The following ZNF317 variants were observed in gnomAD, a reference collection of about 807,000 sequenced individuals.
The protein encoded by ZNF317 is zinc finger protein 317.
Under a neutral mutation model 23.4 loss-of-function variants are expected in ZNF317, and 17 were observed. The observed-to-expected ratio is 0.73, with a 90% CI of 0.50 to 1.09. ZNF317 has a LOEUF of 1.09. ZNF317 is among the 50% of genes least tolerant of loss of function. The pLI, the probability that ZNF317 is intolerant of heterozygous loss-of-function variation, is 0.00. For missense variants in ZNF317, 679 were observed against 796.7 expected (o/e 0.85, Z 1.78); for synonymous variants, 317 against 314.9 (o/e 1.01, Z -0.07).
At chr19:9,148,831 A>G (rs745325945) in intron 1 of ZNF317, among the ~76,000 whole-genome samples, 2 of 152,168 alleles carry the variant, frequency 1.3e-5, no homozygotes, top group Non-Finnish European at 2.9e-5. Context: ...GTCCTGTCCT[A>G]CATTTCCCAG....
intron 1 of ZNF317, 116 bp from the exon 2 acceptor site, chr19:9,155,809 G>A (rs2050776447): frequency 1.6e-6 from 1 of 618,136 alleles, no homozygotes; most frequent in Non-Finnish European, 2.9e-6. Flanking sequence ...CCAGGATCAG[G>A]CAGATCTTGC....
chr19:9,141,049 G>A (rs114192837), intron 1 of ZNF317, among the ~76,000 whole-genome samples: 166 of 151,352 alleles, frequency 1.1e-3, no homozygotes, highest in Middle Eastern at 6.8e-3. Context: ...CCTTCTGGTT[G>A]CACTTTTTTA....
At chr19:9,158,107 T>C (rs1419772004) in intron 5 of ZNF317, 32 bp downstream of exon 5, 1 of 1,541,474 alleles carries the variant, frequency 6.5e-7, no homozygotes, top group Non-Finnish European at 8.7e-7. Flanking sequence ...AGCGGTGCTG[T>C]GACTCTACCT....
chr19:9,148,024 CA>C (rs1442704137), intron 1 of ZNF317, among the ~76,000 whole-genome samples: 4 of 152,110 alleles, frequency 2.6e-5, no homozygotes, highest in Non-Finnish European at 5.9e-5. Context: ...CACCTCCTCC[CA>C]ACCCTGCTGT....
At chr19:9,157,476 T>C (rs1313082662) in intron 4 of ZNF317, 82 bp downstream of exon 4, 1 of 1,572,216 alleles carries the variant, frequency 6.4e-7, no homozygotes, top group Admixed American at 1.7e-5. Context: ...CCAGGAACTA[T>C]GCAGCGGTTC....
intron 1 of ZNF317, among the ~76,000 whole-genome samples, chr19:9,153,172 G>GTTTC (rs2050751389): frequency 6.7e-6 from 1 of 149,504 alleles, no homozygotes; most frequent in African/African-American, 2.6e-5. Flanking sequence ...TTGTTTGTTT[G>GTTTC]TTTGTTTGAG....
rs189336858 is a variant in ZNF317 at position 9,161,223 on chromosome 19, G to A, written c.1578G>A (p.Gly526=). 1.2e-6 allele frequency: 2 copies of A among 1,614,180 alleles called. No homozygotes were observed. Among genetic ancestry groups the A allele is most frequent in the Non-Finnish European group, 1.7e-6 (2 of 1,180,026 alleles). ...TLKTHMRSHT[G]EKPYECDHCG... ...AGACGCACATGCGAAGCCACACGGG[G>A]GAGAAACCGTACGAATGCGATCACT... The change falls in exon 7 of 7, where the codon GGG becomes GGA. Residue 526 remains glycine, a synonymous_variant. Coordinates refer to ENST00000247956, the MANE Select transcript of ZNF317 (RefSeq NM_020933.5). This position sits in a 1 kb window ranked among gnomAD's most constrained non-coding sequence, Gnocchi z 4.0.
At chr19:9,154,124 C>T (rs1568313190) in intron 1 of ZNF317, among the ~76,000 whole-genome samples, 1 of 133,358 alleles carries the variant, frequency 7.5e-6, no homozygotes, top group South Asian at 2.2e-4. Flanking sequence ...GAAGGGAGGG[C>T]AGACATCTCT....
chr19:9,160,847 A>G lies in ZNF317; in HGVS notation c.1202A>G (p.Asp401Gly), dbSNP rs1255157984. The change falls in exon 7 of 7, where the codon GAT becomes GGT. Residue 401 changes from aspartate to glycine, a missense_variant. Physicochemically the swap from Asp to Gly is moderately conservative, Grantham distance 94. Coordinates refer to ENST00000247956, the MANE Select transcript of ZNF317 (RefSeq NM_020933.5). The surrounding 1 kb of genome is among the most constrained non-coding windows in gnomAD (Gnocchi z 6.8). ...AAAGAATGCGGGAAATCCTTTGGCG[A>G]TCTCGTGTCCCGGAGGAAACACATG... ...ECKECGKSFG[D>G]LVSRRKHMRI... The G allele has an allele frequency of 6.2e-7, 1 of 1,614,142 alleles. No homozygotes were observed. Among genetic ancestry groups the G allele is most frequent in the Non-Finnish European group, 8.5e-7 (1 of 1,180,026 alleles).
At chr19:9,157,639 G>T in intron 4 of ZNF317, 1 of 590,388 alleles carries the variant, frequency 1.7e-6, no homozygotes, top group South Asian at 3.5e-5. Flanking sequence ...CCATTCTTTT[G>T]GAGGGTCAGT....
rs911369885 is a variant in ZNF317, at chr19:9,162,552, C to A, written c.*1119C>A. On this transcript the variant is annotated 3_prime_UTR_variant, in exon 7 of 7. Transcript: ENST00000247956. ...GAATACGGGATTGCACTTACTCTTT[C>A]ATCACGGAAACAGACCCCCCGAGAG... The A allele has an allele frequency of 7.7e-6, 1 of 129,514 alleles. No individual in the cohort carries two copies. The highest frequency in any genetic ancestry group is 2.3e-4 in the South Asian group (1 of 4,412). 8.0% of individuals were successfully genotyped at this position (129,514 alleles called of 1,614,324 possible).
intron 1 of ZNF317, among the ~76,000 whole-genome samples, chr19:9,148,453 C>T (rs887457311): frequency 2.6e-5 from 4 of 152,170 alleles, no homozygotes; most frequent in South Asian, 2.1e-4. Context: ...GGGTGTTGGG[C>T]TAAGCCATAG....
In ZNF317 at chr19:9,156,762, T is replaced by C. The variant is rs2050788302; in HGVS notation, c.162+14T>C. 1 of 1,612,208 alleles carries C rather than the reference T, an allele frequency of 6.2e-7. No homozygotes were observed. The highest frequency in any genetic ancestry group is 1.3e-5 in the African/African-American group (1 of 74,816). ...GTTGGTTCCCAGGTGCACTAAGATC[T>C]CTGGGTCCCTAGAGCAGGAGAGGCA... On this transcript the variant is annotated intron_variant, in intron 3 of 6. Coordinates refer to ENST00000247956, the MANE Select transcript of ZNF317 (RefSeq NM_020933.5).
intron 1 of ZNF317, among the ~76,000 whole-genome samples, chr19:9,154,962 A>T (rs1174144286): frequency 1.3e-5 from 2 of 152,236 alleles, no homozygotes; most frequent in East Asian, 3.9e-4. Flanking sequence ...ATTCGATGTG[A>T]TTCTTACTGG....
rs1042561584 is a variant in ZNF317 at position 9,161,915 on chromosome 19, G to C, written c.*482G>C. The C allele has an allele frequency of 6.4e-6, 1 of 155,872 alleles. No homozygotes were observed. Among genetic ancestry groups the C allele is most frequent in the African/African-American group, 2.4e-5 (1 of 41,480 alleles). The allele number at this position is 155,872 out of a possible 1,614,324, so 9.7% of individuals were successfully genotyped here. On this transcript the variant is annotated 3_prime_UTR_variant, in exon 7 of 7. Transcript: ENST00000247956. The surrounding 1 kb of genome is among the most constrained non-coding windows in gnomAD (Gnocchi z 4.0). ...GAGAGAAATCAGTGAAGTAAGGAAC[G>C]TGGAAGGTCATGAATGGGCCGCAAA...
rs1241049473 is a variant in ZNF317 at position 9,157,822 on chromosome 19, T to G, written c.290-158T>G. ...TTTTCTATCAGTCAAAAACTTTTAC[T>G]GTGTTCCTTAGAAATTTTGGCACCA... is the stretch of plus-strand genomic sequence containing the variant. On this transcript the variant is annotated intron_variant, in intron 4 of 6. Coordinates refer to ENST00000247956, the MANE Select transcript of ZNF317 (RefSeq NM_020933.5). 5 of 1,391,768 alleles carry G rather than the reference T, an allele frequency of 3.6e-6. No individual in the cohort carries two copies. The East Asian group carries it at 1.3e-4, about 37-fold the overall frequency. The allele number at this position is 1,391,768 out of a possible 1,614,324, so 86.2% of individuals were successfully genotyped here.
chr19:9,156,589 A>T lies in ZNF317; in HGVS notation c.26-23A>T, dbSNP rs1418315016. ...TGAGACAGGGCAGGCTCTGATTCTC[A>T]TGAACCCTGTTTTCTCCTCCAGCCA... On this transcript the variant is annotated intron_variant, in intron 2 of 6. Transcript: ENST00000247956. 6.2e-6 allele frequency: 10 copies of T among 1,610,342 alleles called. No individual in the cohort carries two copies. In the African/African-American group the frequency reaches 1.3e-4, roughly 22 times the overall value.
At chr19:9,142,343 T>A (rs2050639746) in intron 1 of ZNF317, among the ~76,000 whole-genome samples, 1 of 152,154 alleles carries the variant, frequency 6.6e-6, no homozygotes, top group Non-Finnish European at 1.5e-5. Context: ...TGTGCTGGAC[T>A]GGGTGGGGAC....
Position 9,153,148 on chromosome 19 carries a change from T to TTTTTTTTG in ZNF317, c.-92-2774_-92-2773insTTTTGTTT, listed in dbSNP as rs1435101178. ...AGGTTTAGTGTGTCAAGGTAGTTGT[T>TTTTTTTTG]TTTGTTTGTTTGTTTGTTTGTTTGT... is the stretch of plus-strand genomic sequence containing the variant. On this transcript the variant is annotated intron_variant, in intron 1 of 6. Coordinates refer to ENST00000247956, the MANE Select transcript of ZNF317 (RefSeq NM_020933.5). 8.6e-4 allele frequency among the ~76,000 whole-genome samples: 124 copies of TTTTTTTTG among 144,106 alleles called. 1 individual carries two copies. Among genetic ancestry groups the TTTTTTTTG allele is most frequent in the African/African-American group, 2.9e-3 (117 of 40,146 alleles). 94.5% of individuals were successfully genotyped at this position (144,106 alleles called of 152,430 possible). A position where few individuals can be genotyped will look rare whatever the true frequency, so the allele number is the denominator to read the frequency against.
Sources: gnomAD v4.1 joint callset for allele counts (sites outside exome capture counted in the v4.1 genomes callset) on GRCh38, gnomAD v4.1.1 for gene constraint, Gnocchi (gnomAD v3.1) non-coding constraint, MANE v1.5 for transcripts, NCBI Gene and HGNC (gene_info 2026-07-23, HGNC 2026-07-21) for gene names.